Variants in WDFY4 observed in about 807,000 individuals in gnomAD.
WDFY4 encodes WD repeat- and FYVE domain-containing protein 4.
In WDFY4, 169 loss-of-function variants were observed where a neutral mutation model predicts 351.9. The observed-to-expected ratio is 0.48, with a 90% CI of 0.42 to 0.55. WDFY4 has a LOEUF of 0.55. WDFY4 is among the 20% of genes least tolerant of loss of function. WDFY4 has a pLI of 0.00. For synonymous variants in WDFY4, 1,622 were observed against 1,574.6 expected, an observed-to-expected ratio of 1.03 and a Z score of -0.71; for missense variants, 3,803 against 3,935.6, an observed-to-expected ratio of 0.97 and a Z score of 0.90.
At position 48,729,522 on chromosome 10, in the gene WDFY4, G is replaced by A. The variant is rs932399337; in HGVS notation, c.1062G>A (p.Glu354=). 2.6e-5 allele frequency: 40 copies of A among 1,551,660 alleles called. No individual in the cohort carries two copies. In the African/African-American group the frequency reaches 4.2e-4, roughly 16 times the overall value. The stretch of plus-strand genomic sequence containing the variant: ...GGCTGACAACCTGTGGGAGGTCAGA[G>A]CTGAAGGTGTTTGACAGCATCACTT... The part of the protein sequence containing the change: ...VVWLTTCGRS[E]LKVFDSITYP... Residue 354 remains glutamate, a synonymous_variant, in exon 8 of 62, where the codon GAG becomes GAA. Transcript: ENST00000325239.
At chr10:48,780,334 C>T (rs1344299879) in intron 19 of WDFY4, among the ~76,000 whole-genome samples, 2 of 152,220 alleles carry the variant, frequency 1.3e-5, no homozygotes, top group East Asian at 1.9e-4. Flanking sequence ...TTGAAGGTCA[C>T]GCTACCAGGG....
At chr10:48,912,874 A>G (rs1207598696) in intron 47 of WDFY4, among the ~76,000 whole-genome samples, 1 of 152,240 alleles carries the variant, frequency 6.6e-6, no homozygotes, top group Non-Finnish European at 1.5e-5. Context: ...TGCCTTAATA[A>G]TAAAACCTGC....
At chr10:48,845,662 G>T (rs1269170412) in intron 39 of WDFY4, among the ~76,000 whole-genome samples, 1 of 152,134 alleles carries the variant, frequency 6.6e-6, no homozygotes. Flanking sequence ...ATCCTATCCA[G>T]TTCATCTTAA....
intron 15 of WDFY4, among the ~76,000 whole-genome samples, 194 bp downstream of exon 15, chr10:48,776,000 A>G (rs1009661607): frequency 3.9e-5 from 6 of 152,246 alleles, no homozygotes; most frequent in African/African-American, 1.2e-4. Context: ...CAGATGGAGA[A>G]AGATGAACCC....
At chr10:48,853,636 T>A (rs2133188118) in intron 39 of WDFY4, among the ~76,000 whole-genome samples, 1 of 152,310 alleles carries the variant, frequency 6.6e-6, no homozygotes, top group South Asian at 2.1e-4. Context: ...TCAAAAATAT[T>A]AAATCAAAAA....
intron 24 of WDFY4, among the ~76,000 whole-genome samples, chr10:48,797,174 C>T (rs2066905058): frequency 6.6e-6 from 1 of 152,116 alleles, no homozygotes; most frequent in South Asian, 2.1e-4. Flanking sequence ...ATGCTATTTG[C>T]AAATACTGTA....
intron 51 of WDFY4, among the ~76,000 whole-genome samples, chr10:48,956,285 C>T (rs1168337610): frequency 6.6e-6 from 1 of 152,218 alleles, no homozygotes; most frequent in African/African-American, 2.4e-5. Flanking sequence ...AGGGCTGGCC[C>T]TGGCAGAGGC....
chr10:48,799,498 C>T (rs554634501), intron 24 of WDFY4, among the ~76,000 whole-genome samples: 4 of 152,140 alleles, frequency 2.6e-5, no homozygotes, highest in South Asian at 2.1e-4. Context: ...GAGAAACGGC[C>T]GGGCTTGGTG....
At chr10:48,740,093 C>G (rs553037502) in intron 11 of WDFY4, among the ~76,000 whole-genome samples, 2 of 152,150 alleles carry the variant, frequency 1.3e-5, no homozygotes, top group African/African-American at 4.8e-5. Flanking sequence ...CTTATTCATT[C>G]CATTTGCCTT....
At chr10:48,847,621 G>C (rs901305842) in intron 39 of WDFY4, among the ~76,000 whole-genome samples, 2 of 152,010 alleles carry the variant, frequency 1.3e-5, no homozygotes, top group Admixed American at 6.5e-5. Flanking sequence ...CGAGTTCAGG[G>C]AAGGCCAGCG....
intron 48 of WDFY4, among the ~76,000 whole-genome samples, chr10:48,942,091 A>G (rs1042433744): frequency 2.6e-5 from 4 of 152,084 alleles, no homozygotes; most frequent in African/African-American, 9.7e-5. Flanking sequence ...CAGCCTCCCA[A>G]GTAGCTGGGA....
intron 23 of WDFY4, among the ~76,000 whole-genome samples, chr10:48,792,837 C>T (rs2066728012): frequency 6.6e-6 from 1 of 152,166 alleles, no homozygotes; most frequent in Non-Finnish European, 1.5e-5. Flanking sequence ...CTCAGACTAC[C>T]TCAGGCTCAC....
At chr10:48,838,271 A>C (rs1039169115) in intron 39 of WDFY4, among the ~76,000 whole-genome samples, 1 of 152,224 alleles carries the variant, frequency 6.6e-6, no homozygotes. Context: ...CTGCCCTATG[A>C]GACCTCCAAT....
intron 13 of WDFY4, among the ~76,000 whole-genome samples, chr10:48,767,187 A>C (rs775828597): frequency 6.6e-6 from 1 of 152,196 alleles, no homozygotes; most frequent in African/African-American, 2.4e-5. Context: ...AGATTGATGG[A>C]ACCCTTTTAA....
chr10:48,713,714 T>G lies in WDFY4; in HGVS notation c.234+3748T>G, dbSNP rs181809378. Reference sequence around the variant, plus strand: ...ACCTAGGGTTCCTCACTCCTCTTGTTAGGTCAAAGAGTTCTTAGCCAGGGC... The same window carrying G: ...ACCTAGGGTTCCTCACTCCTCTTGTGAGGTCAAAGAGTTCTTAGCCAGGGC... On this transcript the variant is annotated intron_variant, in intron 2 of 61. Transcript: ENST00000325239. Among the ~76,000 whole-genome samples the G allele has an allele frequency of 8.3e-3, 1,260 of 152,344 alleles. 13 individuals carry two copies. The highest frequency in any genetic ancestry group is 0.01 in the Non-Finnish European group (711 of 68,020).
chr10:48,883,210 A>C (rs1177368798), intron 43 of WDFY4, among the ~76,000 whole-genome samples: 11 of 152,228 alleles, frequency 7.2e-5, no homozygotes, highest in Non-Finnish European at 2.9e-5. Context: ...CAACATGCCA[A>C]GCAGGTGCCT....
rs1450592892 is a variant in WDFY4 at position 48,775,738 on chromosome 10, C to T, written c.2795C>T (p.Ser932Leu). Residue 932 changes from serine (S) to leucine (L), a missense_variant, in exon 15 of 62, where the codon TCA becomes TTA. Ser to Leu is a moderately radical substitution (Grantham distance 145). This residue lies in a region of WDFY4 where 3,054 missense variants were observed against 3,148.6 expected (regional missense o/e 0.97). Transcript: ENST00000325239. ...CAGTTTCTAGGTCTTGGAATTCCCT[C>T]ATCTCTGTCGGCCACAACAAAAATC... ...LRQFLGLGIP[S>L]SLSATTKILD... 2.6e-6 allele frequency: 4 copies of T among 1,551,606 alleles called. No homozygotes were observed. The East Asian group carries it at 9.8e-5, about 38-fold the overall frequency.
chr10:48,972,947 C>T (rs1167803366), intron 57 of WDFY4, among the ~76,000 whole-genome samples: 1 of 152,126 alleles, frequency 6.6e-6, no homozygotes, highest in South Asian at 2.1e-4. Flanking sequence ...AACAAAACCC[C>T]CTTTGAAGCT....
chr10:48,808,762 C>T (rs1273209074), intron 28 of WDFY4, among the ~76,000 whole-genome samples: 2 of 152,184 alleles, frequency 1.3e-5, no homozygotes, highest in African/African-American at 4.8e-5. Flanking sequence ...ATAGTCCAGC[C>T]ACTTTCTTTT....
Sources: gnomAD v4.1 joint callset for allele counts (sites outside exome capture counted in the v4.1 genomes callset) on GRCh38, gnomAD v4.1.1 for gene constraint, gnomAD v4.1.1 regional missense constraint, MANE v1.5 for transcripts, NCBI Gene and HGNC (gene_info 2026-07-23, HGNC 2026-07-21) for gene names.